The following ZNF331 variants were observed in gnomAD, a reference collection of about 807,000 sequenced individuals.
ZNF331 encodes zinc finger protein 331.
Under a neutral mutation model 7.0 loss-of-function variants are expected in ZNF331, and 2 were observed. The observed-to-expected ratio is 0.29, with a 90% CI of 0.12 to 0.90. ZNF331 has a LOEUF of 0.90. Among genes scored for constraint, ZNF331 ranks in the 40% least tolerant of loss-of-function variants. The pLI, the probability that ZNF331 is intolerant of heterozygous loss-of-function variation, is 0.58. For missense variants in ZNF331, 432 were observed against 587.7 expected (o/e 0.74, Z 2.74); for synonymous variants, 196 against 205.4 (o/e 0.95, Z 0.39).
chr19:53,576,133 C>T (rs112582139), intron 5 of ZNF331, among the ~76,000 whole-genome samples: 10 of 152,040 alleles, frequency 6.6e-5, no homozygotes, highest in Non-Finnish European at 1.0e-4. Flanking sequence ...TACAGTCATG[C>T]GCCACCATGT....
the ZNF331 span, among the ~76,000 whole-genome samples, chr19:53,506,400 ACTCTCTCTCTCCT>A: frequency 6.5e-4 from 69 of 105,522 alleles, no homozygotes; most frequent in African/African-American, 2.4e-3. Context: ...CCACATACAC[ACTCTCTCTCTCCT>A]CTCTCTCTCT....
At chr19:53,567,282 G>A (rs1337375260) in intron 3 of ZNF331, among the ~76,000 whole-genome samples, 2 of 152,104 alleles carry the variant, frequency 1.3e-5, no homozygotes, top group Non-Finnish European at 2.9e-5. Context: ...GCCATGTTGT[G>A]AGTAACATCA....
intron 4 of ZNF331, among the ~76,000 whole-genome samples, chr19:53,569,615 A>G (rs1007168707): frequency 6.6e-6 from 1 of 152,136 alleles, no homozygotes; most frequent in Non-Finnish European, 1.5e-5. Context: ...TGGCAAGGGT[A>G]ATTTTGGAGC....
chr19:53,571,494 T>C lies in ZNF331; in HGVS notation c.10-110T>C. 7.2e-7 allele frequency: 1 copy of C among 1,396,918 alleles called. No homozygotes were observed. The highest frequency in any genetic ancestry group is 9.8e-7 in the Non-Finnish European group (1 of 1,018,790). 86.5% of individuals were successfully genotyped at this position (1,396,918 alleles called of 1,614,324 possible). ...TACCGCCCCTTGCCGATGTCACGGG[T>C]GTTCAGTCTGCTCACGGTGTTCACC... On this transcript the variant is annotated intron_variant, in intron 4 of 5. Transcript: ENST00000449416. The surrounding 1 kb of genome is among the most constrained non-coding windows in gnomAD (Gnocchi z 4.7).
intron 2 of ZNF331, among the ~76,000 whole-genome samples, chr19:53,545,811 C>T (rs761011821): frequency 1.1e-4 from 17 of 152,274 alleles, no homozygotes; most frequent in Non-Finnish European, 2.1e-4. Flanking sequence ...GTGTTCAAGC[C>T]GGACGTGTTC....
chr19:53,580,223 AATT>A lies in ZNF331; in HGVS notation c.*2278_*2280del, dbSNP rs1179718396. The A allele has an allele frequency of 1.1e-5, 2 of 186,874 alleles. No individual in the cohort carries two copies. The highest frequency in any genetic ancestry group is 1.1e-5 in the Non-Finnish European group (1 of 88,646). 11.6% of individuals were successfully genotyped at this position (186,874 alleles called of 1,614,324 possible). A position where few individuals can be genotyped will look rare whatever the true frequency, so the allele number is the denominator to read the frequency against. On this transcript the variant is annotated 3_prime_UTR_variant, in exon 6 of 6. Transcript: ENST00000449416. The stretch of plus-strand genomic sequence containing the variant: ...ACATTGTACTCCATCAATATAATAC[AATT>A]ATTATTTGTCAATCAAATATTAATA...
chr19:53,537,022 T>G (rs1178928210), upstream of ZNF331, among the ~76,000 whole-genome samples: 2 of 152,224 alleles, frequency 1.3e-5, no homozygotes, highest in African/African-American at 4.8e-5. Context: ...CCAGCTGAGG[T>G]AACCAGGTGA....
chr19:53,556,186 T>G (rs1357545365), intron 3 of ZNF331, among the ~76,000 whole-genome samples: 1 of 137,870 alleles, frequency 7.3e-6, no homozygotes, highest in Non-Finnish European at 1.5e-5. Flanking sequence ...GAGCTTGCAG[T>G]GAGCCGAGAT....
the ZNF331 span, among the ~76,000 whole-genome samples, chr19:53,514,034 T>C: frequency 1.3e-5 from 2 of 152,206 alleles, no homozygotes; most frequent in Admixed American, 1.3e-4. Flanking sequence ...TAACATATTT[T>C]CTCCCATTAT....
intron 2 of ZNF331, chr19:53,554,463 T>TGGGTGCGGGAGGCCCCTCCC: frequency 6.6e-6 from 1 of 152,294 alleles, no homozygotes; most frequent in South Asian, 2.1e-4. Flanking sequence ...CTCCGGCCGC[T>TGGGTGCGGGAGGCCCCTCCC]GGGTGCGGGA....
rs1177902706 is a variant in ZNF331 at position 53,569,273 on chromosome 19, C to G, written c.-73-31C>G. 1.8e-5 allele frequency: 25 copies of G among 1,355,716 alleles called. No homozygotes were observed. The Middle Eastern group carries it at 5.5e-4, about 30-fold the overall frequency. The allele number at this position is 1,355,716 out of a possible 1,614,324, so 84.0% of individuals were successfully genotyped here. ...ATCACTATGGGGACCCCAGATGCAC[C>G]TCGTTTTAATCTCTTTTTTTCCACC... On this transcript the variant is annotated intron_variant, in intron 3 of 5. Coordinates refer to ENST00000449416, the MANE Select transcript of ZNF331 (RefSeq NM_001079906.2).
chr19:53,510,431 CT>C, the ZNF331 span, among the ~76,000 whole-genome samples: 15,037 of 137,808 alleles, frequency 0.11, 769 homozygotes, highest in African/African-American at 0.17. Flanking sequence ...GAAACTTGAA[CT>C]TTTTTTTTTT....
the ZNF331 span, among the ~76,000 whole-genome samples, chr19:53,507,128 C>G: frequency 3.9e-5 from 6 of 152,126 alleles, no homozygotes; most frequent in African/African-American, 1.4e-4. Flanking sequence ...TCAATGATTT[C>G]AGTGGTCGAC....
intron 3 of ZNF331, among the ~76,000 whole-genome samples, chr19:53,567,826 G>A (rs951214060): frequency 1.5e-5 from 2 of 136,302 alleles, no homozygotes; most frequent in African/African-American, 2.8e-5. Context: ...CTGGATGAGA[G>A]TGAGACCCTG....
Position 53,577,531 on chromosome 19 carries a change from A to C in ZNF331, c.971A>C (p.Glu324Ala). ...LTQHQKIHTGEKPHECKECGK... is the reference protein window; with the variant it reads ...LTQHQKIHTGAKPHECKECGK... Reference sequence around the variant, plus strand: ...CAGCATCAGAAGATCCACACCGGTGAGAAGCCTCACGAATGTAAGGAGTGT... The same window carrying C: ...CAGCATCAGAAGATCCACACCGGTGCGAAGCCTCACGAATGTAAGGAGTGT... Residue 324 changes from glutamate to alanine, a missense_variant, in exon 6 of 6, where the codon GAG becomes GCG. Physicochemically the swap from Glu to Ala is moderately radical, Grantham distance 107 (BLOSUM62 -1). Around this residue, in one of 3 missense-constraint regions of ZNF331, gnomAD observed 312 missense variants for 448.6 expected, o/e 0.70. Transcript: ENST00000449416. 8 of 1,612,886 alleles carry C rather than the reference A, an allele frequency of 5.0e-6. No individual in the cohort carries two copies. The highest frequency in any genetic ancestry group is 5.9e-6 in the Non-Finnish European group (7 of 1,179,010).
At chr19:53,512,642 C>T in the ZNF331 span, 1 of 150,656 alleles carries the variant, frequency 6.6e-6, no homozygotes, top group Non-Finnish European at 1.5e-5. Context: ...CACCCCTGGG[C>T]TGCGGACCGG....
intron 5 of ZNF331, among the ~76,000 whole-genome samples, chr19:53,574,419 A>G (rs111765825): frequency 5.3e-5 from 8 of 152,258 alleles, no homozygotes; most frequent in African/African-American, 1.7e-4. Flanking sequence ...CAAAGCCTCT[A>G]GGAAAGAAAG....
At chr19:53,565,497 G>T (rs1275624825) in intron 3 of ZNF331, among the ~76,000 whole-genome samples, 1 of 151,758 alleles carries the variant, frequency 6.6e-6, no homozygotes, top group African/African-American at 2.4e-5. Context: ...ACTATGTCTG[G>T]CCTTTTTTGT....
At chr19:53,549,095 G>A (rs2088815244) in intron 2 of ZNF331, among the ~76,000 whole-genome samples, 1 of 151,976 alleles carries the variant, frequency 6.6e-6, no homozygotes, top group Non-Finnish European at 1.5e-5. Context: ...GTGAGCCACC[G>A]CACCTGGCCT....
Sources: allele counts gnomAD v4.1 joint callset (sites outside exome capture counted in the v4.1 genomes callset), GRCh38; gene constraint gnomAD v4.1.1; regional missense constraint gnomAD v4.1.1; non-coding constraint Gnocchi (gnomAD v3.1); transcripts MANE v1.5; gene names NCBI Gene and HGNC (gene_info 2026-07-23, HGNC 2026-07-21).